The following DOCK3 variants were observed in gnomAD, a reference collection of about 807,000 sequenced individuals.
DOCK3 encodes dedicator of cytokinesis protein 3.
In DOCK3, 60 loss-of-function variants were observed where a neutral mutation model predicts 265.6. The observed-to-expected ratio is 0.23, with a 90% CI of 0.18 to 0.28. The LOEUF is 0.28. DOCK3 is among the 10% of genes least tolerant of loss of function. DOCK3 has a pLI of 1.00. For missense variants in DOCK3, 1,981 were observed against 2,594.3 expected (o/e 0.76, Z 5.14); for synonymous variants, 881 against 938.0 (o/e 0.94, Z 1.11).
chr3:51,321,568 G>A (rs1353086346), intron 32 of DOCK3, among the ~76,000 whole-genome samples: 1 of 152,130 alleles, frequency 6.6e-6, no homozygotes, highest in Non-Finnish European at 1.5e-5. Context: ...ATGCAAGGAA[G>A]CCAAGAACCT....
rs2035366302 is a variant in DOCK3 at position 50,693,213 on chromosome 3, C to G, written c.37+17913C>G. Among the ~76,000 whole-genome samples the G allele has an allele frequency of 1.3e-5, 2 of 152,180 alleles. 1 individual carries two copies. Among genetic ancestry groups the G allele is most frequent in the East Asian group, 3.9e-4 (2 of 5,182 alleles). On this transcript the variant is annotated intron_variant, in intron 1 of 52. Coordinates refer to ENST00000266037, the MANE Select transcript of DOCK3 (RefSeq NM_004947.5). ...AGATTATTTTTGCTATTAGAGGGCC[C>G]TTGAGATTCCATATGAATTTCAGGA... is the stretch of plus-strand genomic sequence containing the variant.
chr3:51,308,975 C>A (rs1194080593), intron 27 of DOCK3, among the ~76,000 whole-genome samples: 2 of 152,166 alleles, frequency 1.3e-5, no homozygotes, highest in East Asian at 3.9e-4. Context: ...GTGCTCCTCA[C>A]ATCCCAGACG....
At chr3:50,747,709 CA>C (rs1397885431) in intron 1 of DOCK3, among the ~76,000 whole-genome samples, 1 of 151,976 alleles carries the variant, frequency 6.6e-6, no homozygotes, top group African/African-American at 2.4e-5. Context: ...ACTAAAAATA[CA>C]AAAATTAGCT....
chr3:51,011,902 T>G (rs1160861956), intron 5 of DOCK3, among the ~76,000 whole-genome samples: 2 of 152,180 alleles, frequency 1.3e-5, no homozygotes. Flanking sequence ...CAGATCCTGT[T>G]TGTCTGGGTA....
intron 4 of DOCK3, among the ~76,000 whole-genome samples, chr3:50,919,261 A>G (rs2050300625): frequency 6.6e-6 from 1 of 152,014 alleles, no homozygotes; most frequent in African/African-American, 2.4e-5. Context: ...TTGGTTCTAT[A>G]TGAACTTTAG....
At chr3:50,844,390 T>C (rs941240054) in intron 3 of DOCK3, among the ~76,000 whole-genome samples, 1 of 152,044 alleles carries the variant, frequency 6.6e-6, no homozygotes, top group African/African-American at 2.4e-5. Flanking sequence ...TAATTTTTTT[T>C]TTCCACTTTT....
intron 5 of DOCK3, among the ~76,000 whole-genome samples, chr3:51,028,365 T>TC (rs1439905670): frequency 3.9e-5 from 6 of 152,294 alleles, no homozygotes; most frequent in African/African-American, 1.2e-4. Context: ...ATTTTTTTTT[T>TC]CACGTTGATC....
chr3:50,934,453 T>C (rs1427885959), intron 5 of DOCK3, among the ~76,000 whole-genome samples: 2 of 152,210 alleles, frequency 1.3e-5, no homozygotes, highest in African/African-American at 4.8e-5. Context: ...GCCGATAAAT[T>C]GTGTTAACAG....
At chr3:50,774,978 A>G (rs911985712) in intron 1 of DOCK3, among the ~76,000 whole-genome samples, 3 of 152,004 alleles carry the variant, frequency 2.0e-5, no homozygotes, top group Non-Finnish European at 4.4e-5. Context: ...TATTAAACCA[A>G]TCTTGCATTC....
In DOCK3 at chr3:50,888,081, CA is replaced by C. The variant is rs1207026357; in HGVS notation, c.163-1944del. 3.3e-5 allele frequency among the ~76,000 whole-genome samples: 5 copies of C among 152,144 alleles called. No homozygotes were observed. In the East Asian group the frequency reaches 9.6e-4, roughly 29 times the overall value. On this transcript the variant is annotated intron_variant, in intron 3 of 52. Coordinates refer to ENST00000266037, the MANE Select transcript of DOCK3 (RefSeq NM_004947.5). ...GAGGAAGTCAAATTGTCCCTGTTTG[CA>C]GATGACATGATTGTATATCTAGAAA...
intron 1 of DOCK3, among the ~76,000 whole-genome samples, chr3:50,695,622 G>T (rs2035565112): frequency 6.6e-6 from 1 of 152,164 alleles, no homozygotes; most frequent in African/African-American, 2.4e-5. Flanking sequence ...GAGACTCAAA[G>T]AGCGCTAAGC....
intron 5 of DOCK3, among the ~76,000 whole-genome samples, chr3:51,012,159 A>T (rs1049287544): frequency 2.0e-5 from 3 of 152,208 alleles, no homozygotes; most frequent in Admixed American, 1.3e-4. Flanking sequence ...GCTGTCAGAC[A>T]GGGACATTTA....
intron 5 of DOCK3, among the ~76,000 whole-genome samples, chr3:51,011,903 T>C (rs1395276563): frequency 6.6e-6 from 1 of 152,204 alleles, no homozygotes; most frequent in Non-Finnish European, 1.5e-5. Flanking sequence ...AGATCCTGTT[T>C]GTCTGGGTAT....
chr3:50,796,044 AT>A (rs752830380), intron 2 of DOCK3, among the ~76,000 whole-genome samples: 193 of 137,860 alleles, frequency 1.4e-3, no homozygotes, highest in African/African-American at 1.4e-3. Context: ...TGGTGTGGTT[AT>A]TTTTTTTTTT....
At chr3:51,258,099 G>A (rs369999757) in intron 22 of DOCK3, among the ~76,000 whole-genome samples, 1 of 152,184 alleles carries the variant, frequency 6.6e-6, no homozygotes, top group Admixed American at 6.5e-5. Context: ...AAGCTCTCAT[G>A]CCCAAAAGGT....
intron 4 of DOCK3, among the ~76,000 whole-genome samples, chr3:50,903,040 G>C (rs369987903): frequency 3.3e-5 from 5 of 152,188 alleles, no homozygotes; most frequent in African/African-American, 1.2e-4. Context: ...AGACTTTGCC[G>C]ATGTGGCCTA....
chr3:50,689,925 T>G (rs1277677597), intron 1 of DOCK3, among the ~76,000 whole-genome samples: 1 of 152,212 alleles, frequency 6.6e-6, no homozygotes, highest in Non-Finnish European at 1.5e-5. Context: ...TGGTTGTCTT[T>G]TCACTCACTT....
chr3:51,350,161 C>T (rs1441764570), intron 39 of DOCK3, 127 bp from the exon 40 acceptor site: 1 of 781,758 alleles, frequency 1.3e-6, no homozygotes, highest in Non-Finnish European at 2.1e-6. Flanking sequence ...TAGAGGCTCA[C>T]TTACTTCTTA....
chr3:51,263,435 A>AG (rs2079972386), intron 23 of DOCK3, among the ~76,000 whole-genome samples: 1 of 152,234 alleles, frequency 6.6e-6, no homozygotes, highest in East Asian at 1.9e-4. Context: ...AAATATGGAA[A>AG]GGAAAAACCG....
Sources: allele counts gnomAD v4.1 joint callset (sites outside exome capture counted in the v4.1 genomes callset), GRCh38; gene constraint gnomAD v4.1.1; transcripts MANE v1.5; gene names NCBI Gene and HGNC (gene_info 2026-07-23, HGNC 2026-07-21).